PKD1L1: variants seen among roughly 807,000 people sequenced by gnomAD.
PKD1L1 encodes polycystin-1-like protein 1.
Under a neutral mutation model 323.4 loss-of-function variants are expected in PKD1L1, and 236 were observed. The ratio of observed to expected loss-of-function variants is 0.73; its 90% CI spans 0.66 to 0.81. The LOEUF is 0.81. Among genes scored for constraint, PKD1L1 ranks in the 40% least tolerant of loss-of-function variants. The pLI, the probability that PKD1L1 is intolerant of heterozygous loss-of-function variation, is 0.00. For synonymous variants in PKD1L1, 1,344 were observed against 1,335.0 expected (o/e 1.01, Z -0.15); for missense variants, 3,320 against 3,508.0 (o/e 0.95, Z 1.35).
At chr7:47,831,664 G>C (rs982599654) in intron 41 of PKD1L1, among the ~76,000 whole-genome samples, 2 of 152,166 alleles carry the variant, frequency 1.3e-5, no homozygotes, top group Non-Finnish European at 2.9e-5. Context: ...TGGGACATTG[G>C]TGCTCACCTA....
At chr7:47,896,412 T>G (rs1786937173) in intron 14 of PKD1L1, among the ~76,000 whole-genome samples, 1 of 151,386 alleles carries the variant, frequency 6.6e-6, no homozygotes, top group African/African-American at 2.4e-5. Flanking sequence ...GGTCAGTTGT[T>G]GTGTCTAAAC....
chr7:47,837,174 T>G lies in PKD1L1; in HGVS notation c.5770-80A>C, dbSNP rs919473318. 2.7e-6 allele frequency: 4 copies of G among 1,498,780 alleles called. No homozygotes were observed. The Admixed American group carries it at 7.2e-5, about 27-fold the overall frequency. The allele number at this position is 1,498,780 out of a possible 1,614,324, so 92.8% of individuals were successfully genotyped here. On this transcript the variant is annotated intron_variant, in intron 36 of 56. Transcript: ENST00000289672. ...AGCAAAGTACTGTTAAGCAGTGATCTTCTGAGCAGAGACCACGAGCTTTCT... is the reference window on the plus strand; with the variant it reads ...AGCAAAGTACTGTTAAGCAGTGATCGTCTGAGCAGAGACCACGAGCTTTCT...
intron 56 of PKD1L1, among the ~76,000 whole-genome samples, chr7:47,787,774 T>A (rs559089542): frequency 1.3e-5 from 2 of 152,186 alleles, no homozygotes; most frequent in African/African-American, 2.4e-5. Context: ...TGCAGTGGCA[T>A]AATCATGGCT....
chr7:47,831,413 G>A (rs373412138), intron 41 of PKD1L1, 61 bp from the exon 42 acceptor site: 39 of 1,546,082 alleles, frequency 2.5e-5, no homozygotes, highest in African/African-American at 1.9e-4. Flanking sequence ...CCATCCACGC[G>A]GAGTGTGGTG....
chr7:47,839,364 T>C lies in PKD1L1; in HGVS notation c.5769+82A>G. 8.9e-7 allele frequency: 1 copy of C among 1,128,312 alleles called. No individual in the cohort carries two copies. Among genetic ancestry groups the C allele is most frequent in the Non-Finnish European group, 1.3e-6 (1 of 783,206 alleles). The allele number at this position is 1,128,312 out of a possible 1,614,324, so 69.9% of individuals were successfully genotyped here. On this transcript the variant is annotated intron_variant, in intron 36 of 56. Transcript: ENST00000289672. The surrounding 1 kb of genome is among the most constrained non-coding windows in gnomAD (Gnocchi z 4.3). ...CTTTAGAAGAGTTCAAAGACACAACTGTGGCAAGCGAAGCAGAGACAGGTG... is the reference window on the plus strand; with the variant it reads ...CTTTAGAAGAGTTCAAAGACACAACCGTGGCAAGCGAAGCAGAGACAGGTG...
chr7:47,785,744 CTTT>C (rs58949004), intron 56 of PKD1L1, among the ~76,000 whole-genome samples: 4 of 141,160 alleles, frequency 2.8e-5, no homozygotes, highest in Non-Finnish European at 1.5e-5. Context: ...ATATTTCTTT[CTTT>C]TTTTTTTTTT....
chr7:47,801,709 G>A (rs1410680986), intron 53 of PKD1L1, among the ~76,000 whole-genome samples: 1 of 152,198 alleles, frequency 6.6e-6, no homozygotes, highest in African/African-American at 2.4e-5. Context: ...CTCCATAAGT[G>A]AAATCAGACA....
intron 56 of PKD1L1, among the ~76,000 whole-genome samples, chr7:47,782,280 T>A (rs917722835): frequency 6.6e-6 from 1 of 152,162 alleles, no homozygotes; most frequent in East Asian, 1.9e-4. Context: ...TAAACTTTAA[T>A]AATTACATTT....
intron 24 of PKD1L1, among the ~76,000 whole-genome samples, chr7:47,871,052 CAA>C (rs1174768098): frequency 6.8e-6 from 1 of 146,018 alleles, no homozygotes; most frequent in Non-Finnish European, 1.5e-5. Flanking sequence ...CAAAACCAGA[CAA>C]AGACAACACA....
intron 45 of PKD1L1, among the ~76,000 whole-genome samples, chr7:47,825,950 C>A (rs916671807): frequency 1.3e-5 from 2 of 152,004 alleles, no homozygotes; most frequent in Non-Finnish European, 2.9e-5. Flanking sequence ...TTGGATGCTT[C>A]CCCCAGCAGC....
At chr7:47,939,866 TACTTCCC>T (rs771102799) in intron 3 of PKD1L1, among the ~76,000 whole-genome samples, 5 of 148,308 alleles carry the variant, frequency 3.4e-5, no homozygotes, top group Non-Finnish European at 4.5e-5. Flanking sequence ...GCTACCCTCC[TACTTCCC>T]ACCTGGGAGG....
At chr7:47,902,977 T>TA (rs902786366) in intron 12 of PKD1L1, among the ~76,000 whole-genome samples, 16 of 152,170 alleles carry the variant, frequency 1.1e-4, no homozygotes, top group African/African-American at 3.6e-4. Flanking sequence ...ACCAATTTCT[T>TA]AGAGTCCTAC....
chr7:47,828,687 C>A (rs1785283715), intron 44 of PKD1L1, among the ~76,000 whole-genome samples: 1 of 152,140 alleles, frequency 6.6e-6, no homozygotes, highest in Non-Finnish European at 1.5e-5. Context: ...CCTGTGTGCA[C>A]CACCCATCTT....
chr7:47,880,856 C>T (rs1786537882), intron 20 of PKD1L1, 51 bp from the exon 21 acceptor site: 2 of 1,447,128 alleles, frequency 1.4e-6, no homozygotes, highest in Admixed American at 3.6e-5. Flanking sequence ...GTCTCAAGGA[C>T]AGAGGTCACA....
At chr7:47,932,812 C>G (rs1022194649) in intron 4 of PKD1L1, among the ~76,000 whole-genome samples, 1 of 152,240 alleles carries the variant, frequency 6.6e-6, no homozygotes, top group African/African-American at 2.4e-5. Context: ...GCATTATAAT[C>G]ATGCATGAGA....
rs1788099107 is a variant in PKD1L1, at chr7:47,946,479, CCA to C, written c.44+1916_44+1917del. On this transcript the variant is annotated intron_variant, in intron 1 of 56. Transcript: ENST00000289672. This position sits in a 1 kb window ranked among gnomAD's most constrained non-coding sequence, Gnocchi z 4.1. ...ACCCACCACACACACATCGCACACA[CCA>C]CACACCACGCACCACACAAACACAC... Among the ~76,000 whole-genome samples the C allele has an allele frequency of 7.1e-6, 1 of 140,692 alleles. No individual in the cohort carries two copies. Among genetic ancestry groups the C allele is most frequent in the South Asian group, 2.3e-4 (1 of 4,374 alleles). The allele number at this position is 140,692 out of a possible 152,430, so 92.3% of individuals were successfully genotyped here.
rs1788104909 is a variant in PKD1L1 at position 47,946,728 on chromosome 7, C to A, written c.44+1669G>T. On this transcript the variant is annotated intron_variant, in intron 1 of 56. Coordinates refer to ENST00000289672, the MANE Select transcript of PKD1L1 (RefSeq NM_138295.5). The surrounding 1 kb of genome is among the most constrained non-coding windows in gnomAD (Gnocchi z 4.1). ...CATGAAATGAGGGCTACAGGAGAGT[C>A]AAGAAACCTCTTCTGTTTCTATGAA... Among the ~76,000 whole-genome samples the A allele has an allele frequency of 6.6e-6, 1 of 152,088 alleles. No homozygotes were observed. The highest frequency in any genetic ancestry group is 2.1e-4 in the South Asian group (1 of 4,822).
chr7:47,937,004 A>G (rs762710506), intron 3 of PKD1L1, 46 bp from the exon 4 acceptor site: 1 of 1,427,284 alleles, frequency 7.0e-7, no homozygotes, highest in Non-Finnish European at 9.8e-7. Flanking sequence ...TGCTTATGAA[A>G]ACCCAGTACA....
At chr7:47,932,109 C>A in intron 4 of PKD1L1, 53 bp from the exon 5 acceptor site, 1 of 1,568,210 alleles carries the variant, frequency 6.4e-7, no homozygotes, top group South Asian at 1.2e-5. Context: ...ATGTTTCAGT[C>A]ACATATCTGG....
Sources: allele counts gnomAD v4.1 joint callset (sites outside exome capture counted in the v4.1 genomes callset), GRCh38; gene constraint gnomAD v4.1.1; non-coding constraint Gnocchi (gnomAD v3.1); transcripts MANE v1.5; gene names NCBI Gene and HGNC (gene_info 2026-07-23, HGNC 2026-07-21).